CHLSN: variants seen among roughly 807,000 people sequenced by gnomAD.
The protein encoded by CHLSN is protein cholesin.
At chr7:1,114,571 T>A in the CHLSN span, among the ~76,000 whole-genome samples, 1 of 152,236 alleles carries the variant, frequency 6.6e-6, no homozygotes, top group African/African-American at 2.4e-5. Context: ...CTAACGCTGT[T>A]CCTGCTCCAC....
the CHLSN span, chr7:1,091,484 C>T: frequency 1.8e-5 from 9 of 488,334 alleles, no homozygotes; most frequent in South Asian, 7.6e-5. Context: ...CGGACGAGCA[C>T]GCGGAGGGCC....
the CHLSN span, among the ~76,000 whole-genome samples, chr7:1,019,234 A>G: frequency 0.027 from 1,487 of 54,348 alleles, no homozygotes; most frequent in South Asian, 0.032. Flanking sequence ...AGTGAAAGGG[A>G]GGGAGGAAGA....
At chr7:982,866 A>C in the CHLSN span, among the ~76,000 whole-genome samples, 1 of 152,282 alleles carries the variant, frequency 6.6e-6, no homozygotes, top group South Asian at 2.1e-4. Flanking sequence ...CCCAGTTCTG[A>C]GGGGTGGCCA....
At chr7:1,137,984 G>C in the CHLSN span, 6 of 139,810 alleles carry the variant, frequency 4.3e-5, no homozygotes, top group Admixed American at 4.2e-4. Flanking sequence ...GCGGGTGTCG[G>C]AGCCCGCGCC....
chr7:1,109,066 T>C, the CHLSN span, among the ~76,000 whole-genome samples: 37,364 of 151,854 alleles, frequency 0.25, 4,964 homozygotes, highest in African/African-American at 0.31. Flanking sequence ...CCAGCTCATT[T>C]TTCTATTTTT....
the CHLSN span, among the ~76,000 whole-genome samples, chr7:1,034,355 G>A: frequency 6.6e-6 from 1 of 151,798 alleles, no homozygotes; most frequent in Non-Finnish European, 1.5e-5. Flanking sequence ...CAAAATTGAG[G>A]TACATGTTTC....
the CHLSN span, chr7:1,057,496 G>T: frequency 8.0e-6 from 6 of 752,536 alleles, no homozygotes; most frequent in Admixed American, 1.0e-4. Flanking sequence ...CCGCAGGGTC[G>T]CGGAGCCTCG....
the CHLSN span, chr7:989,765 G>T: frequency 5.1e-6 from 1 of 196,240 alleles, no homozygotes; most frequent in Non-Finnish European, 1.1e-5. Context: ...GGGTGACAGA[G>T]CGAGATTCCA....
At chr7:1,009,178 G>A in the CHLSN span, among the ~76,000 whole-genome samples, 4,079 of 152,256 alleles carry the variant, frequency 0.027, 159 homozygotes, top group African/African-American at 0.088. Flanking sequence ...ACAGAGGTGC[G>A]GCTGGAGCCT....
the CHLSN span, chr7:1,043,339 G>A: frequency 8.5e-5 from 13 of 152,348 alleles, no homozygotes; most frequent in Admixed American, 5.9e-4. Flanking sequence ...GCAGTATGTC[G>A]GAATGCAGTG....
chr7:1,115,838 T>G, the CHLSN span, among the ~76,000 whole-genome samples: 9 of 101,474 alleles, frequency 8.9e-5, no homozygotes, highest in South Asian at 3.4e-3. Context: ...ATGGCTTCCA[T>G]CACCGACGCC....
At chr7:1,067,321 A>C in the CHLSN span, among the ~76,000 whole-genome samples, 1 of 76,584 alleles carries the variant, frequency 1.3e-5, no homozygotes, top group Non-Finnish European at 2.7e-5. Context: ...GAATACACCC[A>C]GAGGTGAGGG....
chr7:1,089,036 G>A, the CHLSN span, among the ~76,000 whole-genome samples: 13 of 152,116 alleles, frequency 8.5e-5, no homozygotes, highest in Non-Finnish European at 1.5e-4. Flanking sequence ...GAAAATAAAC[G>A]TTAAGTTGAG....
the CHLSN span, among the ~76,000 whole-genome samples, chr7:1,125,130 C>T: frequency 5.3e-5 from 8 of 152,362 alleles, no homozygotes; most frequent in South Asian, 4.1e-4. Flanking sequence ...CACCACCTTC[C>T]GAGAGCTCAG....
the CHLSN span, among the ~76,000 whole-genome samples, chr7:1,060,436 C>T: frequency 6.6e-6 from 1 of 151,926 alleles, no homozygotes; most frequent in African/African-American, 2.4e-5. Flanking sequence ...CACACTTCCT[C>T]CCCACAGCCT....
the CHLSN span, among the ~76,000 whole-genome samples, chr7:1,010,530 C>T: frequency 6.6e-6 from 1 of 152,230 alleles, no homozygotes; most frequent in Non-Finnish European, 1.5e-5. Context: ...TCTGTTATCA[C>T]ACAGGCCAGG....
At chr7:1,027,197 G>C in the CHLSN span, among the ~76,000 whole-genome samples, 1 of 152,226 alleles carries the variant, frequency 6.6e-6, no homozygotes, top group African/African-American at 2.4e-5. Context: ...TACGGGTTAG[G>C]TTTTCTCACT....
chr7:1,064,465 G>C, the CHLSN span, among the ~76,000 whole-genome samples: 1 of 152,144 alleles, frequency 6.6e-6, no homozygotes, highest in Non-Finnish European at 1.5e-5. Flanking sequence ...CAGCGGTGGG[G>C]AGCAGGGGCA....
At chr7:1,028,856 GC>G in the CHLSN span, 2 of 750,890 alleles carry the variant, frequency 2.7e-6, no homozygotes, top group Non-Finnish European at 3.1e-6. Context: ...TTCCCAGTCT[GC>G]CATCTCCCCA....
Sources: allele counts gnomAD v4.1 joint callset (sites outside exome capture counted in the v4.1 genomes callset), GRCh38; gene constraint gnomAD v4.1.1; transcripts MANE v1.5; gene names NCBI Gene and HGNC (gene_info 2026-07-23, HGNC 2026-07-21).